Variants in LRP1B observed in about 807,000 individuals in gnomAD.
LRP1B encodes the protein LDL receptor related protein 1B.
In LRP1B, 217 loss-of-function variants were observed where a neutral mutation model predicts 556.6. That is an observed-to-expected ratio of 0.39 (90% CI 0.35 to 0.44). The LOEUF (loss-of-function observed/expected upper bound fraction) is 0.44, where lower values mean the gene tolerates loss of function less well. LRP1B is among the 20% of genes least tolerant of loss of function. The probability of loss-of-function intolerance (pLI) is 1.00; values close to 1 mark genes in which losing one functional copy is unlikely to be tolerated. For synonymous variants in LRP1B, 2,047 were observed against 1,865.8 expected, an observed-to-expected ratio of 1.10 and a Z score of -2.50; for missense variants, 5,053 against 5,620.8, an observed-to-expected ratio of 0.90 and a Z score of 3.23.
chr2:141,944,565 A>G (rs1700901693), intron 1 of LRP1B, among the ~76,000 whole-genome samples: 1 of 152,076 alleles, frequency 6.6e-6, no homozygotes, highest in Admixed American at 6.6e-5. Flanking sequence ...TTTAAATTTG[A>G]CTCAAACTCT....
At chr2:140,307,543 ATATAT>A (rs1294565537) in intron 83 of LRP1B, among the ~76,000 whole-genome samples, 1 of 151,764 alleles carries the variant, frequency 6.6e-6, no homozygotes, top group African/African-American at 2.4e-5. Flanking sequence ...AGTTGAAATA[ATATAT>A]TTTTAAGTAT....
chr2:142,059,816 C>T (rs1048933819), intron 1 of LRP1B, among the ~76,000 whole-genome samples: 27 of 152,024 alleles, frequency 1.8e-4, no homozygotes, highest in African/African-American at 5.6e-4. Context: ...AAATCCCTTA[C>T]AAACTAGCAG....
chr2:141,546,238 C>T (rs531975659), intron 2 of LRP1B, among the ~76,000 whole-genome samples: 48 of 152,220 alleles, frequency 3.2e-4, no homozygotes, highest in South Asian at 1.0e-3. Flanking sequence ...ACTCAGTTAA[C>T]CTCACCTTGG....
At chr2:141,962,518 C>T (rs560178694) in intron 1 of LRP1B, among the ~76,000 whole-genome samples, 1 of 151,760 alleles carries the variant, frequency 6.6e-6, no homozygotes, top group South Asian at 2.1e-4. Context: ...TCAACTACAA[C>T]CTACAGAGGT....
intron 60 of LRP1B, among the ~76,000 whole-genome samples, chr2:140,467,561 C>T (rs77229855): frequency 0.016 from 2,336 of 142,802 alleles, 62 homozygotes; most frequent in African/African-American, 0.055. Context: ...TGCAGTGAGT[C>T]GAGATCAAGC....
Position 142,106,280 on chromosome 2 carries a change from C to A in LRP1B, c.82+24368G>T, listed in dbSNP as rs530400890. 3.9e-5 allele frequency among the ~76,000 whole-genome samples: 6 copies of A among 152,178 alleles called. No individual in the cohort carries two copies. The South Asian group carries it at 1.2e-3, about 32-fold the overall frequency. On this transcript the variant is annotated intron_variant, in intron 1 of 90. Coordinates refer to ENST00000389484, the MANE Select transcript of LRP1B (RefSeq NM_018557.3). ...GCAAAATTGGATAATTTTTTAAAAT[C>A]ACAAAAGTTAAGTGACTTTGATTAT...
At chr2:141,850,468 C>T (rs116104593) in intron 1 of LRP1B, among the ~76,000 whole-genome samples, 1 of 151,198 alleles carries the variant, frequency 6.6e-6, no homozygotes, top group Admixed American at 6.6e-5. Context: ...GAGTTTTTAA[C>T]TAAAAATGGT....
At position 141,440,154 on chromosome 2, in the gene LRP1B, T is replaced by C. The variant is rs573304565; in HGVS notation, c.343+40242A>G. 5.9e-5 allele frequency among the ~76,000 whole-genome samples: 9 copies of C among 152,286 alleles called. No individual in the cohort carries two copies. In the East Asian group the frequency reaches 1.7e-3, roughly 29 times the overall value. On this transcript the variant is annotated intron_variant, in intron 3 of 90. Transcript: ENST00000389484. ...TGGCATGGGAATCTCTGGCACCATT[T>C]TACAAAGGAGCAGAGCTGGACTAAG... is the stretch of plus-strand genomic sequence containing the variant.
intron 2 of LRP1B, among the ~76,000 whole-genome samples, chr2:141,691,610 T>C (rs1334419976): frequency 6.6e-6 from 1 of 151,964 alleles, no homozygotes; most frequent in Non-Finnish European, 1.5e-5. Context: ...ATTTCTATAC[T>C]GCATGATAAT....
chr2:141,556,349 A>G (rs78015661), intron 2 of LRP1B, among the ~76,000 whole-genome samples: 80 of 152,004 alleles, frequency 5.3e-4, no homozygotes, highest in African/African-American at 1.9e-3. Flanking sequence ...TTGTGAAATC[A>G]CTCATTTTCC....
chr2:141,278,864 C>T (rs1469505974), intron 3 of LRP1B, among the ~76,000 whole-genome samples: 4 of 152,156 alleles, frequency 2.6e-5, no homozygotes, highest in African/African-American at 4.8e-5. Context: ...TTCCTATTAT[C>T]TGTCTCTGGC....
At chr2:141,712,788 G>T (rs1451863173) in intron 2 of LRP1B, among the ~76,000 whole-genome samples, 2 of 150,034 alleles carry the variant, frequency 1.3e-5, no homozygotes, top group African/African-American at 4.9e-5. Flanking sequence ...TCCTGCCTCA[G>T]CCTCCCTAGT....
intron 1 of LRP1B, among the ~76,000 whole-genome samples, chr2:141,866,789 G>A (rs1558928241): frequency 1.3e-5 from 2 of 151,430 alleles, no homozygotes; most frequent in South Asian, 4.2e-4. Context: ...CAGGATATGA[G>A]GTAAGAGAAG....
At chr2:140,817,167 A>G (rs1012733470) in intron 31 of LRP1B, among the ~76,000 whole-genome samples, 1 of 152,138 alleles carries the variant, frequency 6.6e-6, no homozygotes, top group African/African-American at 2.4e-5. Flanking sequence ...GGTGACTTAA[A>G]TTTGAAAATC....
At chr2:141,408,961 T>C (rs1157182832) in intron 3 of LRP1B, among the ~76,000 whole-genome samples, 2 of 152,196 alleles carry the variant, frequency 1.3e-5, no homozygotes, top group African/African-American at 2.4e-5. Flanking sequence ...TGAAGCTGGA[T>C]TGCAGCAAGT....
chr2:141,614,218 T>C (rs976074110), intron 2 of LRP1B, among the ~76,000 whole-genome samples: 3 of 152,084 alleles, frequency 2.0e-5, no homozygotes, highest in Admixed American at 6.6e-5. Context: ...TTATGGAATC[T>C]TTTTCTCACA....
intron 2 of LRP1B, among the ~76,000 whole-genome samples, chr2:141,590,616 A>G (rs1329851766): frequency 6.6e-6 from 1 of 152,100 alleles, no homozygotes. Context: ...AGTTCCTCGC[A>G]CTCATCAGAA....
intron 43 of LRP1B, among the ~76,000 whole-genome samples, chr2:140,590,505 A>C (rs1388897553): frequency 6.6e-6 from 1 of 151,866 alleles, no homozygotes; most frequent in Non-Finnish European, 1.5e-5. Context: ...AGATTAAATA[A>C]GGTCATAAGG....
At chr2:141,927,277 A>T (rs571041784) in intron 1 of LRP1B, among the ~76,000 whole-genome samples, 1 of 152,250 alleles carries the variant, frequency 6.6e-6, no homozygotes, top group East Asian at 1.9e-4. Flanking sequence ...CTATGGGTAA[A>T]TGTTGTGAAT....
Sources: gnomAD v4.1 joint callset for allele counts (sites outside exome capture counted in the v4.1 genomes callset) on GRCh38, gnomAD v4.1.1 for gene constraint, MANE v1.5 for transcripts, NCBI Gene and HGNC (gene_info 2026-07-23, HGNC 2026-07-21) for gene names.